Variants in AEBP2 observed in about 807,000 individuals in gnomAD.
AEBP2 encodes the protein zinc finger protein AEBP2.
In AEBP2, 10 loss-of-function variants were observed where a neutral mutation model predicts 50.8. The observed-to-expected ratio is 0.20, with a 90% confidence interval of 0.12 to 0.33. The LOEUF is 0.33. Among genes scored for constraint, AEBP2 ranks in the 10% least tolerant of loss-of-function variants. The pLI is 1.00. For missense variants in AEBP2, 570 were observed against 688.0 expected (o/e 0.83, Z 1.92); for synonymous variants, 296 against 261.3 (o/e 1.13, Z -1.28).
rs116279129 is a variant in AEBP2, at chr12:19,492,998, C to G, written c.988-802C>G. Among the ~76,000 whole-genome samples, 647 of 152,128 alleles carry G rather than the reference C, an allele frequency of 4.3e-3. 6 individuals carry two copies. The highest frequency in any genetic ancestry group is 0.014 in the African/African-American group (601 of 41,536). ...CTCAAAAAAAACAAAACCCAAAATA[C>G]AAAATACATTAAAAAGTCAATATTG... On this transcript the variant is annotated intron_variant, in intron 3 of 7. Transcript: ENST00000266508.
chr12:19,428,220 A>G (rs2095749561), intron 1 of AEBP2, among the ~76,000 whole-genome samples: 1 of 152,134 alleles, frequency 6.6e-6, no homozygotes, highest in Non-Finnish European at 1.5e-5. Context: ...TGGGCAAAAA[A>G]CCAAGACCCT....
intron 1 of AEBP2, among the ~76,000 whole-genome samples, chr12:19,453,343 C>G (rs1400035419): frequency 1.3e-5 from 2 of 151,924 alleles, no homozygotes; most frequent in Non-Finnish European, 2.9e-5. Context: ...GTCTCGAACT[C>G]TTGGCCTCAA....
chr12:19,422,909 C>A (rs2095746544), intron 1 of AEBP2, among the ~76,000 whole-genome samples: 1 of 150,762 alleles, frequency 6.6e-6, no homozygotes, highest in Non-Finnish European at 1.5e-5. Flanking sequence ...ACTAAAAATA[C>A]AAAATATTAG....
chr12:19,419,114 G>T, intron 1 of AEBP2: 1 of 160,452 alleles, frequency 6.2e-6, no homozygotes, highest in South Asian at 1.9e-4. Flanking sequence ...GATCTTTAAG[G>T]GTGATATTGT....
chr12:19,433,325 T>G (rs915818954), intron 1 of AEBP2, among the ~76,000 whole-genome samples: 7 of 151,256 alleles, frequency 4.6e-5, no homozygotes, highest in Non-Finnish European at 8.9e-5. Flanking sequence ...GAGGCAGAGG[T>G]TGCAGTGAGC....
chr12:19,484,082 G>T (rs1948770960), intron 3 of AEBP2, among the ~76,000 whole-genome samples: 1 of 151,866 alleles, frequency 6.6e-6, no homozygotes, highest in East Asian at 1.9e-4. Context: ...TTGTTTGTTT[G>T]TTTGTTTTTT....
chr12:19,423,368 C>T (rs2095746857), intron 1 of AEBP2, among the ~76,000 whole-genome samples: 1 of 152,242 alleles, frequency 6.6e-6, no homozygotes, highest in East Asian at 1.9e-4. Context: ...TGCTATTTGG[C>T]TAGTACTGCA....
At chr12:19,489,933 A>G (rs1022213723) in intron 3 of AEBP2, among the ~76,000 whole-genome samples, 7 of 149,258 alleles carry the variant, frequency 4.7e-5, no homozygotes, top group South Asian at 2.1e-4. Context: ...ATTTTCTGTT[A>G]GAATTCTCAT....
intron 7 of AEBP2, 112 bp from the exon 8 acceptor site, chr12:19,517,975 A>G (rs1166153696): frequency 2.0e-5 from 19 of 970,846 alleles, no homozygotes; most frequent in African/African-American, 1.9e-4. Flanking sequence ...TTTTTATTAT[A>G]ATCTATGATC....
At position 19,422,175 on chromosome 12, in the gene AEBP2, G is replaced by T. The variant is rs150735305; in HGVS notation, c.-17+17959G>T. On this transcript the variant is annotated intron_variant, in intron 1 of 3. Transcript: ENST00000538425. ...AGGGGAAAGAAACTTTATAAAACCA[G>T]TATGTCATACTTGGAAGATCTGGGC... 5.3e-4 allele frequency among the ~76,000 whole-genome samples: 81 copies of T among 152,188 alleles called. No homozygotes were observed. The East Asian group carries it at 0.015, about 28-fold the overall frequency.
rs550101885 is a variant in AEBP2 at position 19,459,388 on chromosome 12, T to G, written c.672-3122T>G. Among the ~76,000 whole-genome samples the G allele has an allele frequency of 2.0e-4, 31 of 152,208 alleles. No individual in the cohort carries two copies. The Middle Eastern group carries it at 0.01, about 50-fold the overall frequency. ...CTGGGACTACAGGCTCCTGCCACTATGCCTGGCTAATTTTTTGTGTTTTTA... is the reference window on the plus strand; with the variant it reads ...CTGGGACTACAGGCTCCTGCCACTAGGCCTGGCTAATTTTTTGTGTTTTTA... On this transcript the variant is annotated intron_variant, in intron 1 of 7. Transcript: ENST00000266508.
intron 3 of AEBP2, among the ~76,000 whole-genome samples, chr12:19,492,101 C>G (rs1592764753): frequency 1.3e-5 from 2 of 152,154 alleles, no homozygotes; most frequent in Admixed American, 1.3e-4. Context: ...CTGGGGATAA[C>G]AAGATGAATA....
chr12:19,417,072 C>T (rs577466982), intron 1 of AEBP2, among the ~76,000 whole-genome samples: 39 of 151,388 alleles, frequency 2.6e-4, no homozygotes, highest in African/African-American at 8.5e-4. Flanking sequence ...GGGATTTCAC[C>T]GTGTTAACCA....
At chr12:19,457,229 G>A in intron 1 of AEBP2, 3 of 1,598,292 alleles carry the variant, frequency 1.9e-6, no homozygotes, top group Non-Finnish European at 2.5e-6. Flanking sequence ...AAAAGGGCAT[G>A]CTCCTAGGTT....
chr12:19,503,677 G>GTT (rs1299071697), intron 5 of AEBP2, among the ~76,000 whole-genome samples: 1 of 143,506 alleles, frequency 7.0e-6, no homozygotes, highest in Non-Finnish European at 1.5e-5. Flanking sequence ...ACATCCTTGG[G>GTT]TTTTTTTTTT....
chr12:19,434,062 G>C (rs1400494377), intron 1 of AEBP2, among the ~76,000 whole-genome samples: 1 of 151,806 alleles, frequency 6.6e-6, no homozygotes, highest in Non-Finnish European at 1.5e-5. Context: ...GGCCAGGATG[G>C]TCTCGATCTC....
chr12:19,457,171 A>T, intron 1 of AEBP2: 1 of 1,597,730 alleles, frequency 6.3e-7, no homozygotes, highest in South Asian at 1.1e-5. Context: ...AGTGGAATCC[A>T]TTTTGTTAAC....
At chr12:19,479,578 G>C (rs1233095755) in intron 3 of AEBP2, among the ~76,000 whole-genome samples, 1 of 145,912 alleles carries the variant, frequency 6.9e-6, no homozygotes, top group Non-Finnish European at 1.6e-5. Context: ...TGTTTATTGT[G>C]TTGCTGTCTA....
intron 1 of AEBP2, among the ~76,000 whole-genome samples, chr12:19,410,967 A>C (rs1049499114): frequency 6.6e-6 from 1 of 152,160 alleles, no homozygotes; most frequent in African/African-American, 2.4e-5. Context: ...ATTTTACTTA[A>C]ACTAAACTTA....
Sources: gnomAD v4.1 joint callset for allele counts (sites outside exome capture counted in the v4.1 genomes callset) on GRCh38, gnomAD v4.1.1 for gene constraint, MANE v1.5 for transcripts, NCBI Gene and HGNC (gene_info 2026-07-23, HGNC 2026-07-21) for gene names.